BICRAL: variants seen among roughly 807,000 people sequenced by gnomAD.
BICRAL encodes the protein BICRA like chromatin remodeling complex associated protein.
In BICRAL, 8 loss-of-function variants were observed where a neutral mutation model predicts 91.8. That is an observed-to-expected ratio of 0.09 (90% CI 0.05 to 0.16). The LOEUF is 0.16. BICRAL is among the 10% of genes least tolerant of loss of function. The pLI, the probability that BICRAL is intolerant of heterozygous loss-of-function variation, is 1.00. For missense variants in BICRAL, 1,038 were observed against 1,310.9 expected (o/e 0.79, Z 3.21); for synonymous variants, 445 against 491.1 (o/e 0.91, Z 1.24).
intron 5 of BICRAL, among the ~76,000 whole-genome samples, chr6:42,825,328 G>C (rs1279131732): frequency 1.3e-5 from 2 of 151,286 alleles, no homozygotes; most frequent in Non-Finnish European, 2.9e-5. Flanking sequence ...ACTTTGGGAG[G>C]CCGAGGTGGG....
At chr6:42,824,546 G>C (rs1371653248) in intron 5 of BICRAL, among the ~76,000 whole-genome samples, 12 of 152,106 alleles carry the variant, frequency 7.9e-5, no homozygotes, top group Admixed American at 7.9e-4. Context: ...GTTTCTCCAT[G>C]TTGGCCTGGA....
At chr6:42,835,700 G>A (rs891113197) in intron 6 of BICRAL, among the ~76,000 whole-genome samples, 2 of 152,138 alleles carry the variant, frequency 1.3e-5, no homozygotes, top group African/African-American at 4.8e-5. Flanking sequence ...CCCAGCAAGC[G>A]AAGGGGGCAG....
intron 6 of BICRAL, among the ~76,000 whole-genome samples, chr6:42,832,060 T>C (rs1764499763): frequency 6.6e-6 from 1 of 151,598 alleles, no homozygotes; most frequent in Non-Finnish European, 1.5e-5. Context: ...TTTAAATATA[T>C]ATATCGGCCA....
chr6:42,821,869 A>G (rs941509039), intron 2 of BICRAL, 149 bp from the exon 3 acceptor site: 1 of 459,818 alleles, frequency 2.2e-6, no homozygotes. Flanking sequence ...CAAAATTTTT[A>G]AAATTACATT....
At chr6:42,852,456 G>C (rs187507716) in intron 7 of BICRAL, 84 of 586,854 alleles carry the variant, frequency 1.4e-4, no homozygotes, top group Admixed American at 1.3e-3. Flanking sequence ...GAGATCAGGA[G>C]TTCAAGACCA....
intron 5 of BICRAL, among the ~76,000 whole-genome samples, chr6:42,826,177 G>A (rs1293032064): frequency 2.1e-4 from 32 of 151,720 alleles, no homozygotes; most frequent in Admixed American, 2.1e-3. Flanking sequence ...ACACAGCCAT[G>A]AGTTGCAGAG....
chr6:42,862,629 T>A lies in BICRAL; in HGVS notation c.2452+17T>A, dbSNP rs776533095. On this transcript the variant is annotated intron_variant, in intron 12 of 12. Coordinates refer to ENST00000314073, the MANE Select transcript of BICRAL (RefSeq NM_001393499.1). ...TAGACCCTGGTAAGAAACATCGCAG[T>A]GAAAGTAGTGGATAGCTCCTGCCAT... 13 of 1,393,268 alleles carry A rather than the reference T, an allele frequency of 9.3e-6. No homozygotes were observed. The highest frequency in any genetic ancestry group is 1.8e-4 in the Middle Eastern group (1 of 5,668). The allele number at this position is 1,393,268 out of a possible 1,614,324, so 86.3% of individuals were successfully genotyped here.
intron 5 of BICRAL, among the ~76,000 whole-genome samples, chr6:42,828,263 C>T (rs113185093): frequency 6.6e-4 from 100 of 151,690 alleles, no homozygotes; most frequent in African/African-American, 2.3e-3. Context: ...TAGCTGGGCG[C>T]GGTGGCAGGC....
chr6:42,863,088 C>T (rs146103025), intron 12 of BICRAL, among the ~76,000 whole-genome samples: 389 of 142,974 alleles, frequency 2.7e-3, no homozygotes, highest in African/African-American at 9.6e-3. Context: ...ATCGCTCTGT[C>T]GCCCAGGCTG....
chr6:42,855,508 C>G (rs1765323107), intron 8 of BICRAL, among the ~76,000 whole-genome samples: 1 of 152,024 alleles, frequency 6.6e-6, no homozygotes. Flanking sequence ...TACCACCACA[C>G]TCCAGCCTGG....
At chr6:42,761,346 C>T (rs756668977) in intron 1 of BICRAL, among the ~76,000 whole-genome samples, 2 of 151,972 alleles carry the variant, frequency 1.3e-5, no homozygotes, top group Non-Finnish European at 2.9e-5. Context: ...ATCCCAGCTA[C>T]TTGGGAGGTG....
At chr6:42,773,681 ATTT>A in intron 1 of BICRAL, among the ~76,000 whole-genome samples, 1 of 151,822 alleles carries the variant, frequency 6.6e-6, no homozygotes, top group East Asian at 2.0e-4. Context: ...CGCCCAGCTA[ATTT>A]TTGTATTTTT....
At chr6:42,769,792 A>T (rs1762692541) in intron 1 of BICRAL, among the ~76,000 whole-genome samples, 2 of 152,214 alleles carry the variant, frequency 1.3e-5, no homozygotes, top group African/African-American at 4.8e-5. Context: ...TCAAAAACTT[A>T]AAGATCACCA....
At chr6:42,835,049 A>G (rs1042768008) in intron 6 of BICRAL, among the ~76,000 whole-genome samples, 36 of 152,142 alleles carry the variant, frequency 2.4e-4, no homozygotes, top group African/African-American at 8.2e-4. Flanking sequence ...TCCAATTCTA[A>G]TCCATGACTA....
At position 42,764,220 on chromosome 6, in the gene BICRAL, C is replaced by T. The variant is rs373831330; in HGVS notation, c.-261+17197C>T. 7.9e-5 allele frequency among the ~76,000 whole-genome samples: 11 copies of T among 139,436 alleles called. No individual in the cohort carries two copies. In the East Asian group the frequency reaches 1.7e-3, roughly 22 times the overall value. The allele number at this position is 139,436 out of a possible 152,430, so 91.5% of individuals were successfully genotyped here. A position where few individuals can be genotyped will look rare whatever the true frequency, so the allele number is the denominator to read the frequency against. On this transcript the variant is annotated intron_variant, in intron 1 of 14. Coordinates refer to the BICRAL transcript ENST00000614467. ...TCATGCCACTGTACTCCAGCCTGGG[C>T]GACAGAGCAAGACTTTGTTTCCGAA...
In BICRAL at chr6:42,831,023, T is replaced by A. The variant is rs1582853443; in HGVS notation, c.1839+851T>A. ...CATGGAAAAAGTTAACTTACCATTCTAGACTTAATTGTCTTCATTAGTGAA... is the reference window on the plus strand; with the variant it reads ...CATGGAAAAAGTTAACTTACCATTCAAGACTTAATTGTCTTCATTAGTGAA... On this transcript the variant is annotated intron_variant, in intron 6 of 12. Coordinates refer to ENST00000314073, the MANE Select transcript of BICRAL (RefSeq NM_001393499.1). 2.0e-5 allele frequency among the ~76,000 whole-genome samples: 3 copies of A among 152,232 alleles called. No homozygotes were observed. In the East Asian group the frequency reaches 5.8e-4, roughly 29 times the overall value.
intron 10 of BICRAL, among the ~76,000 whole-genome samples, chr6:42,857,614 A>AAAAAAAAAAAAAATATAT: frequency 2.1e-5 from 2 of 96,242 alleles, no homozygotes; most frequent in African/African-American, 1.3e-4. Flanking sequence ...AAAAAAAAAA[A>AAAAAAAAAAAAAATATAT]ATATATATAT....
intron 1 of BICRAL, among the ~76,000 whole-genome samples, chr6:42,774,196 G>A (rs1402991480): frequency 6.6e-6 from 1 of 152,140 alleles, no homozygotes; most frequent in Non-Finnish European, 1.5e-5. Flanking sequence ...GAGAGACCTT[G>A]AGGCCCATTC....
intron 1 of BICRAL, among the ~76,000 whole-genome samples, chr6:42,802,188 C>T (rs908972878): frequency 3.3e-5 from 5 of 151,792 alleles, no homozygotes; most frequent in East Asian, 1.9e-4. Flanking sequence ...AGGAGAATCA[C>T]TTTGAGCCAT....
Sources: gnomAD v4.1 joint callset for allele counts (sites outside exome capture counted in the v4.1 genomes callset) on GRCh38, gnomAD v4.1.1 for gene constraint, MANE v1.5 for transcripts, NCBI Gene and HGNC (gene_info 2026-07-23, HGNC 2026-07-21) for gene names.